The following CFHR3 variants were observed in gnomAD, a reference collection of about 807,000 sequenced individuals.
CFHR3 encodes the protein complement factor H-related protein 3.
Under a neutral mutation model 36.0 loss-of-function variants are expected in CFHR3, and 22 were observed. That is an observed-to-expected ratio of 0.61 (90% CI 0.44 to 0.87). The LOEUF is 0.87. Ranked by LOEUF, CFHR3 falls within the 40% of genes least tolerant of loss-of-function variation. The pLI is 0.00. For synonymous variants in CFHR3, 97 were observed against 137.4 expected (o/e 0.71, Z 2.06); for missense variants, 276 against 401.3 (o/e 0.69, Z 2.67).
intron 5 of CFHR3, among the ~76,000 whole-genome samples, chr1:196,792,300 A>C (rs1379041086): frequency 8.9e-6 from 1 of 112,700 alleles, no homozygotes; most frequent in Non-Finnish European, 1.7e-5. Context: ...AGAAATGCTA[A>C]TGCTAATAAG....
chr1:196,782,394 A>T lies in CFHR3; in HGVS notation c.430+2421A>T, dbSNP rs1160866528. 2.9e-5 allele frequency among the ~76,000 whole-genome samples: 4 copies of T among 137,042 alleles called. 2 individuals are homozygous for T. The highest frequency in any genetic ancestry group is 6.1e-5 in the African/African-American group (2 of 32,816). 89.9% of individuals were successfully genotyped at this position (137,042 alleles called of 152,430 possible). On this transcript the variant is annotated intron_variant, in intron 3 of 5. Coordinates refer to ENST00000367425, the MANE Select transcript of CFHR3 (RefSeq NM_021023.6). ...ATTGAATCTATAAATTACCTTGGGC[A>T]GTATGGCCATTTTCATGATATTGAT...
At position 196,776,197 on chromosome 1, in the gene CFHR3, T is replaced by C. The variant is rs188387824; in HGVS notation, c.58+1253T>C. Among the ~76,000 whole-genome samples, 270 of 131,370 alleles carry C rather than the reference T, an allele frequency of 2.1e-3. 67 individuals carry two copies. The highest frequency in any genetic ancestry group is 8.2e-3 in the African/African-American group (262 of 31,856). 86.2% of individuals were successfully genotyped at this position (131,370 alleles called of 152,430 possible). On this transcript the variant is annotated intron_variant, in intron 1 of 5. Coordinates refer to ENST00000367425, the MANE Select transcript of CFHR3 (RefSeq NM_021023.6). ...CTTACTTACTTTCTTAAAAGCACTA[T>C]AGAAAAGAATGATGACAAATTCTTT...
At chr1:196,778,974 T>A (rs1653838189) in intron 1 of CFHR3, among the ~76,000 whole-genome samples, 188 bp from the exon 2 acceptor site, 1 of 136,750 alleles carries the variant, frequency 7.3e-6, no homozygotes, top group Admixed American at 7.1e-5. Flanking sequence ...AATGACCAGA[T>A]GAAGGGTTAT....
intron 3 of CFHR3, among the ~76,000 whole-genome samples, chr1:196,784,290 G>T (rs1298529514): frequency 7.3e-6 from 1 of 136,446 alleles, no homozygotes; most frequent in Non-Finnish European, 1.6e-5. Flanking sequence ...TCGATTTGGG[G>T]TGGAGAGTTC....
At position 196,784,718 on chromosome 1, in the gene CFHR3, C is replaced by T. The variant is rs1226486784; in HGVS notation, c.431-3498C>T. Among the ~76,000 whole-genome samples the T allele has an allele frequency of 3.0e-4, 40 of 135,482 alleles. 8 individuals are homozygous for T. Among genetic ancestry groups the T allele is most frequent in the African/African-American group, 1.2e-3 (40 of 32,090 alleles). The allele number at this position is 135,482 out of a possible 152,430, so 88.9% of individuals were successfully genotyped here. A position where few individuals can be genotyped will look rare whatever the true frequency, so the allele number is the denominator to read the frequency against. ...GTGTCTCTGCACATGAGATGGGTTT[C>T]CTGAATACAGCACACTGATGGGTCT... On this transcript the variant is annotated intron_variant, in intron 3 of 5. Transcript: ENST00000367425.
In CFHR3 at chr1:196,776,394, T is replaced by C. The variant is rs1558195208; in HGVS notation, c.58+1450T>C. Among the ~76,000 whole-genome samples, 2 of 137,576 alleles carry C rather than the reference T, an allele frequency of 1.5e-5. 1 individual carries two copies. The highest frequency in any genetic ancestry group is 3.1e-5 in the Non-Finnish European group (2 of 64,576). The allele number at this position is 137,576 out of a possible 152,430, so 90.3% of individuals were successfully genotyped here. ...GAGAGAAACATCTTTGTGAATTCAG[T>C]AGCATTGGCTCAACTGCATCCCGCC... is the stretch of plus-strand genomic sequence containing the variant. On this transcript the variant is annotated intron_variant, in intron 1 of 5. Transcript: ENST00000367425.
Position 196,788,769 on chromosome 1 carries a change from A to G in CFHR3, c.613+371A>G. 4.1e-6 allele frequency: 6 copies of G among 1,455,408 alleles called. 2 individuals are homozygous for G. The highest frequency in any genetic ancestry group is 5.5e-6 in the Non-Finnish European group (6 of 1,098,254). 90.2% of individuals were successfully genotyped at this position (1,455,408 alleles called of 1,614,324 possible). A position where few individuals can be genotyped will look rare whatever the true frequency, so the allele number is the denominator to read the frequency against. ...GCTGCTTGTATTGCATTCCGTGCTC[A>G]CGCTCAGAAAAGTTGTACATGTCGG... On this transcript the variant is annotated intron_variant, in intron 4 of 5. Coordinates refer to ENST00000367425, the MANE Select transcript of CFHR3 (RefSeq NM_021023.6).
At position 196,783,588 on chromosome 1, in the gene CFHR3, C is replaced by T. The variant is rs1453179636; in HGVS notation, c.430+3615C>T. Among the ~76,000 whole-genome samples, 7 of 131,508 alleles carry T rather than the reference C, an allele frequency of 5.3e-5. 2 individuals carry two copies. In the East Asian group the frequency reaches 6.0e-4, roughly 11 times the overall value. 86.3% of individuals were successfully genotyped at this position (131,508 alleles called of 152,430 possible). On this transcript the variant is annotated intron_variant, in intron 3 of 5. Transcript: ENST00000367425. ...TCTTCTAGATTTTCTAGTTTATTTG[C>T]GCAGAGGTGTTTGTAGTATTCTCTG...
intron 3 of CFHR3, among the ~76,000 whole-genome samples, chr1:196,780,275 G>A (rs1385112467): frequency 1.5e-5 from 2 of 136,998 alleles, no homozygotes; most frequent in Non-Finnish European, 3.1e-5. Context: ...GTAAATACCC[G>A]AGGTTCGTCA....
rs534398383 is a variant in CFHR3, at chr1:196,794,069, C to T, written c.*556C>T. ...AGAGAAGGTGAATTATTATCATTTT[C>T]CTGTGAAAAAAGAAAAGAGGTTTTG... is the stretch of plus-strand genomic sequence containing the variant. On this transcript the variant is annotated 3_prime_UTR_variant, in exon 6 of 6. Coordinates refer to ENST00000367425, the MANE Select transcript of CFHR3 (RefSeq NM_021023.6). 5.3e-4 allele frequency: 75 copies of T among 140,708 alleles called. 12 individuals are homozygous for T. Among genetic ancestry groups the T allele is most frequent in the Non-Finnish European group, 9.7e-4 (65 of 67,312 alleles). 8.7% of individuals were successfully genotyped at this position (140,708 alleles called of 1,614,324 possible).
intron 4 of CFHR3, chr1:196,789,018 G>C (rs386185): frequency 1.6e-6 from 2 of 1,271,896 alleles, no homozygotes; most frequent in Admixed American, 6.8e-5. Flanking sequence ...TTCTCTGAAC[G>C]TGCTCGACCT....
At position 196,779,136 on chromosome 1, in the gene CFHR3, C is replaced by T. The variant is rs1558196482; in HGVS notation, c.59-26C>T. On this transcript the variant is annotated intron_variant, in intron 1 of 5. Coordinates refer to ENST00000367425, the MANE Select transcript of CFHR3 (RefSeq NM_021023.6). ...TTTATTACAGTAAAAATTATTTATACTTTTTTGTTTGTTTTTTATTGCAAG... is the reference window on the plus strand; with the variant it reads ...TTTATTACAGTAAAAATTATTTATATTTTTTTGTTTGTTTTTTATTGCAAG... 2.8e-6 allele frequency: 4 copies of T among 1,438,144 alleles called. 1 individual carries two copies. Among genetic ancestry groups the T allele is most frequent in the South Asian group, 2.6e-5 (2 of 76,368 alleles). 89.1% of individuals were successfully genotyped at this position (1,438,144 alleles called of 1,614,324 possible).
At position 196,791,213 on chromosome 1, in the gene CFHR3, G is replaced by T. The variant is rs1198941347; in HGVS notation, c.796+986G>T. Among the ~76,000 whole-genome samples the T allele has an allele frequency of 1.3e-4, 18 of 135,232 alleles. 4 individuals are homozygous for T. Among genetic ancestry groups the T allele is most frequent in the East Asian group, 5.9e-4 (3 of 5,104 alleles). 88.7% of individuals were successfully genotyped at this position (135,232 alleles called of 152,430 possible). A position where few individuals can be genotyped will look rare whatever the true frequency, so the allele number is the denominator to read the frequency against. Reference sequence around the variant, plus strand: ...CTTATTCTCCTCTTCCCTTATACCAGAATCAAAATGAATACACTAAAAACC... The same window carrying T: ...CTTATTCTCCTCTTCCCTTATACCATAATCAAAATGAATACACTAAAAACC... On this transcript the variant is annotated intron_variant, in intron 5 of 5. Transcript: ENST00000367425.
At chr1:196,777,690 A>G (rs1367919757) in intron 1 of CFHR3, among the ~76,000 whole-genome samples, 1 of 136,464 alleles carries the variant, frequency 7.3e-6, no homozygotes, top group African/African-American at 3.1e-5. Context: ...ATCACTGACT[A>G]AGAAAAGTAA....
chr1:196,788,468 A>G, intron 4 of CFHR3, 70 bp downstream of exon 4: 1 of 1,497,792 alleles, frequency 6.7e-7, no homozygotes. Flanking sequence ...ATAGTGTTTT[A>G]CTTAAAAATA....
At position 196,791,412 on chromosome 1, in the gene CFHR3, C is replaced by A. The variant is rs1264786640; in HGVS notation, c.796+1185C>A. On this transcript the variant is annotated intron_variant, in intron 5 of 5. Coordinates refer to ENST00000367425, the MANE Select transcript of CFHR3 (RefSeq NM_021023.6). ...CCTATGAGGTAGAGCCCTGGGACACCCATCAGTCCTTGAATGTCAGATAAC... is the reference window on the plus strand; with the variant it reads ...CCTATGAGGTAGAGCCCTGGGACACACATCAGTCCTTGAATGTCAGATAAC... Among the ~76,000 whole-genome samples the A allele has an allele frequency of 2.2e-5, 3 of 134,416 alleles. 1 individual carries two copies. The highest frequency in any genetic ancestry group is 4.7e-5 in the Non-Finnish European group (3 of 64,054). 88.2% of individuals were successfully genotyped at this position (134,416 alleles called of 152,430 possible).
rs567396775 is a variant in CFHR3 at position 196,776,194 on chromosome 1, C to G, written c.58+1250C>G. ...TTTCTTACTTACTTTCTTAAAAGCA[C>G]TATAGAAAAGAATGATGACAAATTC... On this transcript the variant is annotated intron_variant, in intron 1 of 5. Coordinates refer to ENST00000367425, the MANE Select transcript of CFHR3 (RefSeq NM_021023.6). Among the ~76,000 whole-genome samples, 23 of 130,324 alleles carry G rather than the reference C, an allele frequency of 1.8e-4. 6 individuals carry two copies. The highest frequency in any genetic ancestry group is 7.4e-4 in the African/African-American group (23 of 31,234). The allele number at this position is 130,324 out of a possible 152,430, so 85.5% of individuals were successfully genotyped here. A position where few individuals can be genotyped will look rare whatever the true frequency, so the allele number is the denominator to read the frequency against.
rs202127437 is a variant in CFHR3, at chr1:196,777,982, TA to T, written c.59-1160del. On this transcript the variant is annotated intron_variant, in intron 1 of 5. Transcript: ENST00000367425. ...AGCCTTGGTGACAGAACAAGACTGT[TA>T]AAAAAAAAAAAAAAAAAAAGAAAAG... Among the ~76,000 whole-genome samples the T allele has an allele frequency of 7.2e-3, 647 of 89,860 alleles. 61 individuals are homozygous for T. Among genetic ancestry groups the T allele is most frequent in the South Asian group, 0.014 (33 of 2,276 alleles). 59.0% of individuals were successfully genotyped at this position (89,860 alleles called of 152,430 possible). A position where few individuals can be genotyped will look rare whatever the true frequency, so the allele number is the denominator to read the frequency against.
rs1242678026 is a variant in CFHR3 at position 196,789,608 on chromosome 1, T to C, written c.614-437T>C. ...TACATAACTACATAAATGGTTACAT[T>C]AACTTTTAAATTCACAAATTTAAAA... On this transcript the variant is annotated intron_variant, in intron 4 of 5. Transcript: ENST00000367425. 3.7e-6 allele frequency: 5 copies of C among 1,350,668 alleles called. 2 individuals are homozygous for C. The African/African-American group carries it at 5.6e-5, about 15-fold the overall frequency. The allele number at this position is 1,350,668 out of a possible 1,614,324, so 83.7% of individuals were successfully genotyped here.
Sources: gnomAD v4.1 joint callset for allele counts (sites outside exome capture counted in the v4.1 genomes callset) on GRCh38, gnomAD v4.1.1 for gene constraint, MANE v1.5 for transcripts, NCBI Gene and HGNC (gene_info 2026-07-23, HGNC 2026-07-21) for gene names.